The following LAMA2 variants were observed in gnomAD, a reference collection of about 807,000 sequenced individuals.
LAMA2 encodes laminin subunit alpha 2.
LAMA2 carries 269 observed loss-of-function variants against 364.8 expected under a neutral mutation model. The observed-to-expected ratio is 0.74, with a 90% CI of 0.67 to 0.82. The LOEUF (loss-of-function observed/expected upper bound fraction) is 0.82, where lower values mean the gene tolerates loss of function less well. Among genes scored for constraint, LAMA2 ranks in the 40% least tolerant of loss-of-function variants. LAMA2 has a pLI of 0.00. For synonymous variants in LAMA2, 1,379 were observed against 1,370.6 expected (o/e 1.01, Z -0.14); for missense variants, 3,807 against 3,873.2 (o/e 0.98, Z 0.45).
chr6:128,941,830 T>C (rs1198933950), intron 1 of LAMA2, among the ~76,000 whole-genome samples: 1 of 152,162 alleles, frequency 6.6e-6, no homozygotes, highest in African/African-American at 2.4e-5. Context: ...GTTTTTCAAA[T>C]GCACCGTGCA....
At chr6:129,369,742 A>G in intron 33 of LAMA2, 150 bp from the exon 34 acceptor site, 1 of 703,318 alleles carries the variant, frequency 1.4e-6, no homozygotes, top group Non-Finnish European at 2.5e-6. Flanking sequence ...ATGACACTCA[A>G]TGTGTAAGTG....
At chr6:129,056,039 C>T (rs929656650) in intron 2 of LAMA2, among the ~76,000 whole-genome samples, 4 of 152,092 alleles carry the variant, frequency 2.6e-5, no homozygotes, top group Non-Finnish European at 2.9e-5. Context: ...TGGCAGATAC[C>T]ACAATTTCCT....
In LAMA2 at chr6:129,445,786, G is replaced by A; in HGVS notation, c.6394G>A (p.Glu2132Lys). The change falls in exon 45 of 65, where the codon GAA becomes AAA. Residue 2132 changes from glutamate to lysine, a missense_variant. Physicochemically the swap from Glu to Lys is moderately conservative, Grantham distance 56. Around this residue, in one of 3 missense-constraint regions of LAMA2, gnomAD observed 3,333 missense variants for 3,345.7 expected, o/e 1.00. Transcript: ENST00000421865. ...NLKKNISEIKELINQARKQAN... is the reference protein window; with the variant it reads ...NLKKNISEIKKLINQARKQAN... Reference sequence around the variant, plus strand: ...AAAGAAAAACATCTCTGAGATAAAGGAATTGATAAACCAAGCTCGGAAACA... The same window carrying A: ...AAAGAAAAACATCTCTGAGATAAAGAAATTGATAAACCAAGCTCGGAAACA... 6.2e-7 allele frequency: 1 copy of A among 1,613,714 alleles called. No homozygotes were observed. The highest frequency in any genetic ancestry group is 8.5e-7 in the Non-Finnish European group (1 of 1,179,762).
intron 12 of LAMA2, among the ~76,000 whole-genome samples, chr6:129,230,939 A>T (rs1185352685): frequency 6.6e-6 from 1 of 152,096 alleles, no homozygotes; most frequent in East Asian, 1.9e-4. Context: ...CTTTTATAGG[A>T]CTATACAAGG....
chr6:129,312,024 C>T (rs577070468), intron 22 of LAMA2, among the ~76,000 whole-genome samples: 1 of 142,800 alleles, frequency 7.0e-6, no homozygotes, highest in African/African-American at 3.0e-5. Context: ...TATAGATGAT[C>T]CTGAAAAAGA....
intron 35 of LAMA2, among the ~76,000 whole-genome samples, chr6:129,384,240 G>A (rs1441486993): frequency 2.0e-5 from 3 of 152,168 alleles, no homozygotes; most frequent in Admixed American, 2.0e-4. Flanking sequence ...AGATGAAGCT[G>A]TTGTACTTTC....
At chr6:128,883,474 G>C (rs1775936131) in intron 1 of LAMA2, 117 bp downstream of exon 1, 7 of 1,504,166 alleles carry the variant, frequency 4.7e-6, no homozygotes, top group Admixed American at 3.9e-5. Context: ...CCTTCAGAGA[G>C]TGCGCTCTGG....
chr6:129,065,970 G>A (rs1348329681), intron 3 of LAMA2, among the ~76,000 whole-genome samples: 1 of 149,884 alleles, frequency 6.7e-6, no homozygotes, highest in Non-Finnish European at 1.5e-5. Flanking sequence ...TGATTGTGAG[G>A]CTTCCCCAGC....
intron 12 of LAMA2, among the ~76,000 whole-genome samples, chr6:129,196,435 C>T (rs1397511291): frequency 2.0e-5 from 3 of 152,090 alleles, no homozygotes; most frequent in Non-Finnish European, 4.4e-5. Flanking sequence ...CACAAACAAA[C>T]AAAACTCTAA....
rs1433923964 is a variant in LAMA2, at chr6:128,883,292, G to C, written c.47G>C (p.Gly16Ala). The change falls in exon 1 of 65, where the codon GGC (glycine) becomes GCC (alanine). Residue 16 changes from glycine to alanine, a missense_variant. Coordinates refer to ENST00000421865, the MANE Select transcript of LAMA2 (RefSeq NM_000426.4). The part of the protein sequence containing the change: ...GVLLLLLLSG[G>A]LGGVQAQRPQ... ...CTCCTCCTTCTGCTGCTCTCCGGAGGCCTCGGGGGCGTACAGGCGCAGCGG... is the reference window on the plus strand; with the variant it reads ...CTCCTCCTTCTGCTGCTCTCCGGAGCCCTCGGGGGCGTACAGGCGCAGCGG... 1 of 1,584,658 alleles carries C rather than the reference G, an allele frequency of 6.3e-7. No individual in the cohort carries two copies. Among genetic ancestry groups the C allele is most frequent in the Non-Finnish European group, 8.6e-7 (1 of 1,165,500 alleles).
rs1180561165 is a variant in LAMA2, at chr6:128,889,934, GT to G, written c.112+6579del. Among the ~76,000 whole-genome samples, 6 of 152,134 alleles carry G rather than the reference GT, an allele frequency of 3.9e-5. No individual in the cohort carries two copies. The East Asian group carries it at 1.2e-3, about 29-fold the overall frequency. ...ATCATTGAGGATTGCCTATTAATGG[GT>G]TATTATTCATAATATCGGCCTCTGT... is the stretch of plus-strand genomic sequence containing the variant. On this transcript the variant is annotated intron_variant, in intron 1 of 64. Transcript: ENST00000421865.
At chr6:129,141,889 T>C (rs569271531) in intron 4 of LAMA2, among the ~76,000 whole-genome samples, 85 of 152,100 alleles carry the variant, frequency 5.6e-4, no homozygotes, top group African/African-American at 2.0e-3. Context: ...TGAGTGTGAG[T>C]GTGTATGTGT....
At chr6:129,243,775 T>C (rs1351076174) in intron 12 of LAMA2, among the ~76,000 whole-genome samples, 1 of 151,922 alleles carries the variant, frequency 6.6e-6, no homozygotes, top group Non-Finnish European at 1.5e-5. Context: ...CCAGTTCTAA[T>C]TAATGCACGT....
intron 37 of LAMA2, among the ~76,000 whole-genome samples, chr6:129,397,443 T>C (rs1779715849): frequency 6.6e-6 from 1 of 152,200 alleles, no homozygotes; most frequent in East Asian, 1.9e-4. Context: ...ATGAGGAACA[T>C]GTGTTCTTCC....
chr6:129,353,431 T>A, intron 32 of LAMA2, 74 bp downstream of exon 32: 1 of 1,277,982 alleles, frequency 7.8e-7, no homozygotes, highest in Non-Finnish European at 1.1e-6. Flanking sequence ...TGAGAAAGAG[T>A]GACTCTCCCC....
At chr6:129,115,178 T>G (rs958127073) in intron 4 of LAMA2, among the ~76,000 whole-genome samples, 2 of 152,070 alleles carry the variant, frequency 1.3e-5, no homozygotes, top group Admixed American at 1.3e-4. Context: ...CATTAATTAC[T>G]CAAGCCAGGA....
chr6:128,898,502 G>A (rs566902434), intron 1 of LAMA2, among the ~76,000 whole-genome samples: 1 of 152,140 alleles, frequency 6.6e-6, no homozygotes, highest in Non-Finnish European at 1.5e-5. Context: ...TAATCAGCAT[G>A]TCTGTCATCC....
At chr6:129,469,723 T>C (rs1783716853) in intron 51 of LAMA2, among the ~76,000 whole-genome samples, 1 of 151,776 alleles carries the variant, frequency 6.6e-6, no homozygotes, top group South Asian at 2.1e-4. Flanking sequence ...TAGATATACA[T>C]AAATTGTGGT....
At chr6:128,883,472 G>T in intron 1 of LAMA2, 115 bp downstream of exon 1, 1 of 1,510,280 alleles carries the variant, frequency 6.6e-7, no homozygotes. Flanking sequence ...CGCCTTCAGA[G>T]AGTGCGCTCT....
Sources: allele counts gnomAD v4.1 joint callset (sites outside exome capture counted in the v4.1 genomes callset), GRCh38; gene constraint gnomAD v4.1.1; regional missense constraint gnomAD v4.1.1; transcripts MANE v1.5; gene names NCBI Gene and HGNC (gene_info 2026-07-23, HGNC 2026-07-21).